KIF26B: variants seen among roughly 807,000 people sequenced by gnomAD.
The protein encoded by KIF26B is kinesin family member 26B.
Under a neutral mutation model 151.2 loss-of-function variants are expected in KIF26B, and 63 were observed. The observed-to-expected ratio is 0.42, with a 90% CI of 0.34 to 0.51. KIF26B has a LOEUF of 0.51. KIF26B is among the 20% of genes least tolerant of loss of function. The pLI is 0.07. For missense variants in KIF26B, 2,813 were observed against 2,913.6 expected (o/e 0.97, Z 0.79); for synonymous variants, 1,357 against 1,262.1 (o/e 1.08, Z -1.59).
intron 3 of KIF26B, among the ~76,000 whole-genome samples, chr1:245,388,338 T>C (rs907590476): frequency 6.6e-6 from 1 of 152,198 alleles, no homozygotes; most frequent in African/African-American, 2.4e-5. Context: ...ATGGAAAATA[T>C]TTTTCCTTTG....
chr1:245,614,889 AAAT>A (rs2043570329), intron 9 of KIF26B: 1 of 77,820 alleles, frequency 1.3e-5, no homozygotes, highest in African/African-American at 6.0e-5. Context: ...CAGACCTTTA[AAAT>A]CGGATAGGGA....
chr1:245,608,105 T>G (rs1215192017), intron 7 of KIF26B, among the ~76,000 whole-genome samples: 1 of 152,134 alleles, frequency 6.6e-6, no homozygotes, highest in African/African-American at 2.4e-5. Flanking sequence ...CATGAGGATG[T>G]GGGTTGGTGG....
At chr1:245,684,152 C>T in intron 10 of KIF26B, 81 bp from the exon 11 acceptor site, 10 of 1,456,238 alleles carry the variant, frequency 6.9e-6, no homozygotes, top group South Asian at 2.7e-5. Context: ...ACAAAATGGC[C>T]GTGTGCAGGC....
intron 4 of KIF26B, among the ~76,000 whole-genome samples, chr1:245,506,459 C>T (rs1180507704): frequency 2.6e-5 from 4 of 152,130 alleles, no homozygotes; most frequent in Non-Finnish European, 5.9e-5. Flanking sequence ...GCCTTAAAGC[C>T]ATCGCTCTCT....
rs769277526 is a variant in KIF26B at position 245,155,378 on chromosome 1, T to G, written c.-47T>G. 1 of 1,501,156 alleles carries G rather than the reference T, an allele frequency of 6.7e-7. No individual in the cohort carries two copies. The highest frequency in any genetic ancestry group is 9.2e-7 in the Non-Finnish European group (1 of 1,090,496). The allele number at this position is 1,501,156 out of a possible 1,614,324, so 93.0% of individuals were successfully genotyped here. A position where few individuals can be genotyped will look rare whatever the true frequency, so the allele number is the denominator to read the frequency against. On this transcript the variant is annotated 5_prime_UTR_variant, in exon 1 of 15. The change abolishes an upstream ATG in the 5' untranslated region. Coordinates refer to ENST00000407071, the MANE Select transcript of KIF26B (RefSeq NM_018012.4). ...CTTCTGGGTTGGAGGACCTTCTGGA[T>G]GTAGCGTCGGTGGAACCTTTAGATA...
At chr1:245,416,951 T>C (rs1069217) in intron 3 of KIF26B, among the ~76,000 whole-genome samples, 96,593 of 152,000 alleles carry the variant, frequency 0.64, 31,327 homozygotes, top group Middle Eastern at 0.71. Context: ...CTCTCCCCAT[T>C]GTGGAACTAG....
intron 4 of KIF26B, among the ~76,000 whole-genome samples, chr1:245,493,367 T>A (rs766166063): frequency 6.6e-6 from 1 of 152,232 alleles, no homozygotes; most frequent in Non-Finnish European, 1.5e-5. Flanking sequence ...TTGGGCTTGC[T>A]GGATTTTATA....
At chr1:245,246,086 C>A (rs1193097716) in intron 2 of KIF26B, among the ~76,000 whole-genome samples, 15 of 121,326 alleles carry the variant, frequency 1.2e-4, no homozygotes, top group Non-Finnish European at 2.1e-4. Context: ...AGCGAGACTC[C>A]GTCTCAAAAA....
At chr1:245,424,881 G>T (rs1294518170) in intron 4 of KIF26B, among the ~76,000 whole-genome samples, 1 of 152,138 alleles carries the variant, frequency 6.6e-6, no homozygotes, top group African/African-American at 2.4e-5. Context: ...GTCTTTAAAT[G>T]GTCAGCATCT....
chr1:245,679,938 C>T (rs1321797125), intron 10 of KIF26B, among the ~76,000 whole-genome samples: 4 of 152,062 alleles, frequency 2.6e-5, no homozygotes, highest in Admixed American at 2.0e-4. Context: ...ATAGCCAGGG[C>T]CCCCCAACCC....
intron 5 of KIF26B, among the ~76,000 whole-genome samples, chr1:245,573,052 G>A (rs1476628982): frequency 1.3e-5 from 2 of 152,204 alleles, no homozygotes; most frequent in Admixed American, 6.5e-5. Context: ...AAACACACAC[G>A]GAATAACAAG....
In KIF26B at chr1:245,156,550, C is replaced by G. The variant is rs753002645; in HGVS notation, c.332C>G (p.Pro111Arg). 2 of 1,535,198 alleles carry G rather than the reference C, an allele frequency of 1.3e-6. No individual in the cohort carries two copies. The highest frequency in any genetic ancestry group is 8.7e-7 in the Non-Finnish European group (1 of 1,146,912). The change falls in exon 2 of 15, where the codon CCG becomes CGG. Residue 111 changes from proline to arginine, a missense_variant. Coordinates refer to ENST00000407071, the MANE Select transcript of KIF26B (RefSeq NM_018012.4). ...TCTCCGGGCTTCGGCACAGGCTCCC[C>G]GGGCTCCGGCAGCGGCGGCGGCTCC... Reference protein sequence around the residue: ...GGSPGFGTGSPGSGSGGGSSP... With the variant: ...GGSPGFGTGSRGSGSGGGSSP...
In KIF26B at chr1:245,709,256, C is replaced by A. The variant is rs2044877631; in HGVS notation, c.*6650C>A. 1 of 152,162 alleles carries A rather than the reference C, an allele frequency of 6.6e-6. No homozygotes were observed. 9.4% of individuals were successfully genotyped at this position (152,162 alleles called of 1,614,324 possible). On this transcript the variant is annotated 3_prime_UTR_variant, in exon 15 of 15. Coordinates refer to ENST00000407071, the MANE Select transcript of KIF26B (RefSeq NM_018012.4). ...CAGAAAAAAAGAGTTATAGTTCTCA[C>A]AAACTGGTGACATGAATCCATTAAG...
chr1:245,281,049 A>G (rs1382842721), intron 2 of KIF26B, among the ~76,000 whole-genome samples: 2 of 30,202 alleles, frequency 6.6e-5, no homozygotes, highest in African/African-American at 2.0e-4. Flanking sequence ...ATTGTGAATA[A>G]TGCCGCAATA....
At chr1:245,565,406 A>C (rs527780456) in intron 5 of KIF26B, among the ~76,000 whole-genome samples, 1 of 151,882 alleles carries the variant, frequency 6.6e-6, no homozygotes, top group East Asian at 1.9e-4. Context: ...CTCCTGCCTC[A>C]GCCTCCTGAG....
chr1:245,679,362 T>C (rs2044397993), intron 10 of KIF26B, among the ~76,000 whole-genome samples: 1 of 152,072 alleles, frequency 6.6e-6, no homozygotes, highest in African/African-American at 2.4e-5. Flanking sequence ...ATTATCCTGT[T>C]CTTTTTGTCC....
At position 245,688,255 on chromosome 1, in the gene KIF26B, T is replaced by G. The variant is rs757545115; in HGVS notation, c.5272T>G (p.Phe1758Val). 6.3e-7 allele frequency: 1 copy of G among 1,593,928 alleles called. No homozygotes were observed. Among genetic ancestry groups the G allele is most frequent in the Non-Finnish European group, 8.5e-7 (1 of 1,176,330 alleles). Residue 1758 changes from phenylalanine (F) to valine (V), a missense_variant, in exon 12 of 15, where the codon TTC becomes GTC. This residue lies in a region of KIF26B where 2,060 missense variants were observed against 2,088.6 expected (regional missense o/e 0.99). Coordinates refer to ENST00000407071, the MANE Select transcript of KIF26B (RefSeq NM_018012.4). ...CGCCTCCACCACCAAAACCCTCAGC[T>G]TCTCCACCAAGTCCCTGCCGCAGGC... ...PSASTTKTLS[F>V]STKSLPQAVG...
At chr1:245,617,001 G>GCACACAAATGTATGTGCA in intron 9 of KIF26B, among the ~76,000 whole-genome samples, 1 of 152,248 alleles carries the variant, frequency 6.6e-6, no homozygotes, top group East Asian at 1.9e-4. Context: ...TGCTGTGTGC[G>GCACACAAATGTATGTGCA]CACACAAATG....
chr1:245,297,097 CT>C (rs10577926), intron 2 of KIF26B, among the ~76,000 whole-genome samples: 1 of 151,868 alleles, frequency 6.6e-6, no homozygotes. Context: ...AATCCCAACA[CT>C]TTGGGAGGCC....
Sources: gnomAD v4.1 joint callset for allele counts (sites outside exome capture counted in the v4.1 genomes callset) on GRCh38, gnomAD v4.1.1 for gene constraint, gnomAD v4.1.1 regional missense constraint, MANE v1.5 for transcripts, NCBI Gene and HGNC (gene_info 2026-07-23, HGNC 2026-07-21) for gene names.